SGCZ: variants seen among roughly 807,000 people sequenced by gnomAD.
SGCZ encodes sarcoglycan zeta.
SGCZ carries 40 observed loss-of-function variants against 41.3 expected under a neutral mutation model. The ratio of observed to expected loss-of-function variants is 0.97; its 90% CI spans 0.75 to 1.26. SGCZ has a LOEUF of 1.26. Ranked by LOEUF, SGCZ falls within the 50% of genes most tolerant of loss-of-function variation. SGCZ has a pLI of 0.00. For synonymous variants in SGCZ, 206 were observed against 137.5 expected, an observed-to-expected ratio of 1.50 and a Z score of -3.49; for missense variants, 552 against 369.8, an observed-to-expected ratio of 1.49 and a Z score of -4.04.
At chr8:14,309,568 A>G in intron 3 of SGCZ, 1 of 1,610,786 alleles carries the variant, frequency 6.2e-7, no homozygotes, top group Non-Finnish European at 8.5e-7. Flanking sequence ...GGACGGTATA[A>G]CAAGGAAAGG....
chr8:14,468,734 T>A (rs976205606), intron 2 of SGCZ, among the ~76,000 whole-genome samples: 1 of 152,026 alleles, frequency 6.6e-6, no homozygotes, highest in Non-Finnish European at 1.5e-5. Flanking sequence ...TAAAAATCAG[T>A]TTCTCCTAGA....
intron 1 of SGCZ, among the ~76,000 whole-genome samples, chr8:15,077,072 G>T (rs906703899): frequency 6.6e-6 from 1 of 152,110 alleles, no homozygotes; most frequent in Non-Finnish European, 1.5e-5. Flanking sequence ...TAGATGACTT[G>T]TTTGGAATAT....
chr8:14,239,612 A>C (rs1373442759), intron 3 of SGCZ, among the ~76,000 whole-genome samples: 2 of 152,146 alleles, frequency 1.3e-5, no homozygotes, highest in Non-Finnish European at 2.9e-5. Flanking sequence ...TTTATAGACT[A>C]TGTAAGTATA....
intron 1 of SGCZ, among the ~76,000 whole-genome samples, chr8:14,807,621 G>C (rs1267967666): frequency 1.3e-5 from 2 of 151,754 alleles, no homozygotes; most frequent in African/African-American, 2.4e-5. Flanking sequence ...CTCAAGGGTA[G>C]GAAGAATCAA....
chr8:14,821,092 T>G (rs1221875683), intron 1 of SGCZ, among the ~76,000 whole-genome samples: 2 of 151,324 alleles, frequency 1.3e-5, no homozygotes, highest in African/African-American at 2.4e-5. Context: ...ACAACAAAAA[T>G]AAAAGAAAAC....
At chr8:14,129,099 C>G (rs1279842702) in intron 5 of SGCZ, among the ~76,000 whole-genome samples, 1 of 152,000 alleles carries the variant, frequency 6.6e-6, no homozygotes, top group Non-Finnish European at 1.5e-5. Flanking sequence ...GTAATCCCAG[C>G]CCTTTGGAAG....
chr8:14,671,698 A>G (rs916405393), intron 1 of SGCZ, among the ~76,000 whole-genome samples: 24 of 152,176 alleles, frequency 1.6e-4, no homozygotes, highest in African/African-American at 5.8e-4. Flanking sequence ...TTTCACTTTT[A>G]AGCCAAATTA....
At chr8:14,494,983 G>A (rs1297074531) in intron 2 of SGCZ, among the ~76,000 whole-genome samples, 1 of 152,158 alleles carries the variant, frequency 6.6e-6, no homozygotes, top group Non-Finnish European at 1.5e-5. Flanking sequence ...TGGGGAATGT[G>A]TCTAACGTAA....
chr8:14,283,082 C>G (rs1358591333), intron 3 of SGCZ, among the ~76,000 whole-genome samples: 1 of 151,844 alleles, frequency 6.6e-6, no homozygotes, highest in African/African-American at 2.4e-5. Context: ...ATCTCCTGAC[C>G]TCGTGATCCG....
intron 1 of SGCZ, among the ~76,000 whole-genome samples, chr8:15,207,415 A>G (rs1005520080): frequency 6.6e-6 from 1 of 152,222 alleles, no homozygotes; most frequent in Non-Finnish European, 1.5e-5. Flanking sequence ...GGACAGGAGG[A>G]CAGAAAGGAT....
chr8:14,624,662 C>T (rs1302990007), intron 1 of SGCZ, among the ~76,000 whole-genome samples: 1 of 144,656 alleles, frequency 6.9e-6, no homozygotes, highest in Non-Finnish European at 1.5e-5. Context: ...CCTCCGCCTC[C>T]CGGGGTCAAG....
intron 1 of SGCZ, among the ~76,000 whole-genome samples, chr8:15,133,261 G>A (rs1341404355): frequency 1.3e-5 from 2 of 152,122 alleles, no homozygotes; most frequent in Non-Finnish European, 2.9e-5. Flanking sequence ...TTTGGTATGT[G>A]TTTTTGATAA....
intron 1 of SGCZ, among the ~76,000 whole-genome samples, chr8:14,967,376 T>C (rs1392521711): frequency 6.6e-6 from 1 of 152,156 alleles, no homozygotes; most frequent in African/African-American, 2.4e-5. Context: ...TTACATGACA[T>C]CAACCTTCCC....
At chr8:14,422,813 G>GCTCAGAAAT (rs1381521096) in intron 2 of SGCZ, among the ~76,000 whole-genome samples, 1 of 152,106 alleles carries the variant, frequency 6.6e-6, no homozygotes, top group African/African-American at 2.4e-5. Flanking sequence ...GATCTCTTAG[G>GCTCAGAAAT]CTCAGAAATC....
intron 3 of SGCZ, among the ~76,000 whole-genome samples, chr8:14,268,904 T>C (rs961279317): frequency 2.0e-5 from 3 of 151,830 alleles, no homozygotes; most frequent in African/African-American, 2.4e-5. Flanking sequence ...AATAAAATAA[T>C]TGAAATATAA....
At chr8:14,279,933 T>C (rs951413037) in intron 3 of SGCZ, among the ~76,000 whole-genome samples, 10 of 151,918 alleles carry the variant, frequency 6.6e-5, no homozygotes, top group African/African-American at 2.2e-4. Context: ...ATTTTGATCT[T>C]GGCCTAGATG....
intron 2 of SGCZ, among the ~76,000 whole-genome samples, chr8:14,402,825 G>T (rs1250674508): frequency 2.7e-5 from 4 of 149,318 alleles, no homozygotes; most frequent in Non-Finnish European, 5.9e-5. Context: ...ATTCTGTGAA[G>T]AAAGGCATTG....
chr8:14,915,154 A>G (rs899538225), intron 1 of SGCZ, among the ~76,000 whole-genome samples: 1 of 152,192 alleles, frequency 6.6e-6, no homozygotes, highest in African/African-American at 2.4e-5. Context: ...CCCGTTTTAA[A>G]TATATATAAT....
chr8:14,740,834 G>A (rs1386532128), intron 1 of SGCZ, among the ~76,000 whole-genome samples: 3 of 151,926 alleles, frequency 2.0e-5, no homozygotes, highest in Non-Finnish European at 4.4e-5. Context: ...GTAGATGTAA[G>A]GGCAAACACC....
Sources: gnomAD v4.1 joint callset for allele counts (sites outside exome capture counted in the v4.1 genomes callset) on GRCh38, gnomAD v4.1.1 for gene constraint, MANE v1.5 for transcripts, NCBI Gene and HGNC (gene_info 2026-07-23, HGNC 2026-07-21) for gene names.